Variants in CHST15 observed in about 807,000 individuals in gnomAD.
The protein encoded by CHST15 is carbohydrate sulfotransferase 15.
In CHST15, 30 loss-of-function variants were observed where a neutral mutation model predicts 53.6. That is an observed-to-expected ratio of 0.56 (90% CI 0.42 to 0.76). The LOEUF (loss-of-function observed/expected upper bound fraction) is 0.76. Ranked by LOEUF, CHST15 falls within the 30% of genes least tolerant of loss-of-function variation. CHST15 has a pLI of 0.00. For missense variants in CHST15, 627 were observed against 740.5 expected (o/e 0.85, Z 1.78); for synonymous variants, 296 against 289.8 (o/e 1.02, Z -0.22).
chr10:124,033,034 C>T (rs1947287166), intron 5 of CHST15, among the ~76,000 whole-genome samples: 1 of 152,174 alleles, frequency 6.6e-6, no homozygotes, highest in African/African-American at 2.4e-5. Flanking sequence ...CCAGCAACCC[C>T]CAAAATCTCC....
intron 5 of CHST15, among the ~76,000 whole-genome samples, chr10:124,030,536 T>C (rs1277975770): frequency 2.0e-5 from 3 of 152,216 alleles, no homozygotes; most frequent in Non-Finnish European, 2.9e-5. Flanking sequence ...CTGCAACCTC[T>C]ACATCCCCAC....
Position 124,010,777 on chromosome 10 carries a change from G to A in CHST15, c.1496-438C>T, listed in dbSNP as rs568255741. On this transcript the variant is annotated intron_variant, in intron 7 of 7. Transcript: ENST00000435907. ...TTCCGCCATCATCGTTTCTACTTCAGGCTGCTCATGCCAAGGTCCCTGGGC... is the reference window on the plus strand; with the variant it reads ...TTCCGCCATCATCGTTTCTACTTCAAGCTGCTCATGCCAAGGTCCCTGGGC... The A allele has an allele frequency of 4.1e-6, 4 of 985,442 alleles. No individual in the cohort carries two copies. The African/African-American group carries it at 7.0e-5, about 17-fold the overall frequency. The allele number at this position is 985,442 out of a possible 1,614,324, so 61.0% of individuals were successfully genotyped here. A position where few individuals can be genotyped will look rare whatever the true frequency, so the allele number is the denominator to read the frequency against.
intron 1 of CHST15, among the ~76,000 whole-genome samples, chr10:124,073,213 C>T (rs1948974397): frequency 6.6e-6 from 1 of 152,182 alleles, no homozygotes; most frequent in African/African-American, 2.4e-5. Context: ...ACAGTGTCTA[C>T]CCACAGTAGA....
chr10:124,064,646 T>C (rs1459218770), intron 1 of CHST15, among the ~76,000 whole-genome samples: 4 of 148,850 alleles, frequency 2.7e-5, no homozygotes, highest in Non-Finnish European at 6.0e-5. Flanking sequence ...CAGCACTGCA[T>C]CCCCCCAACC....
intron 1 of CHST15, among the ~76,000 whole-genome samples, chr10:124,087,829 T>A (rs886701141): frequency 6.6e-6 from 1 of 151,970 alleles, no homozygotes; most frequent in Admixed American, 6.5e-5. Flanking sequence ...CTCCTCTCTC[T>A]GGTTAATTGC....
At chr10:124,037,877 C>A (rs1947566717) in intron 5 of CHST15, among the ~76,000 whole-genome samples, 1 of 152,294 alleles carries the variant, frequency 6.6e-6, no homozygotes, top group Non-Finnish European at 1.5e-5. Flanking sequence ...CGTGGAGAAG[C>A]TTACACCCCT....
At position 124,046,483 on chromosome 10, in the gene CHST15, A is replaced by C; in HGVS notation, c.-271T>G. On this transcript the variant is annotated 5_prime_UTR_variant, in exon 2 of 8. Coordinates refer to ENST00000435907, the MANE Select transcript of CHST15 (RefSeq NM_001270764.2). The stretch of plus-strand genomic sequence containing the variant: ...CGCTGCAACCTCAGAGAAGGTCACA[A>C]GTTCGGGAGCAGCTCTGCCTGCCCT... 2.8e-6 allele frequency: 1 copy of C among 355,806 alleles called. No homozygotes were observed. Among genetic ancestry groups the C allele is most frequent in the Non-Finnish European group, 5.0e-6 (1 of 198,428 alleles). The allele number at this position is 355,806 out of a possible 1,614,324, so 22.0% of individuals were successfully genotyped here.
Position 124,019,909 on chromosome 10 carries a change from T to A in CHST15, c.1347+1347A>T, listed in dbSNP as rs1946713803. 1.0e-6 allele frequency: 1 copy of A among 985,904 alleles called. No homozygotes were observed. Among genetic ancestry groups the A allele is most frequent in the African/African-American group, 1.7e-5 (1 of 57,242 alleles). 61.1% of individuals were successfully genotyped at this position (985,904 alleles called of 1,614,324 possible). A position where few individuals can be genotyped will look rare whatever the true frequency, so the allele number is the denominator to read the frequency against. ...CTGCGTTCTGTATGGTAGGTGGTGCTGACCACTGGGCCTCTGCACACGCTG... is the reference window on the plus strand; with the variant it reads ...CTGCGTTCTGTATGGTAGGTGGTGCAGACCACTGGGCCTCTGCACACGCTG... On this transcript the variant is annotated intron_variant, in intron 6 of 7. Transcript: ENST00000435907. The surrounding 1 kb of genome is among the most constrained non-coding windows in gnomAD (Gnocchi z 4.6).
intron 1 of CHST15, among the ~76,000 whole-genome samples, chr10:124,050,457 G>C (rs1948151995): frequency 6.6e-6 from 1 of 152,208 alleles, no homozygotes. Context: ...CCGTCCTAGG[G>C]CTGGCCCATG....
Position 124,008,817 on chromosome 10 carries a change from C to T in CHST15, c.*1332G>A, listed in dbSNP as rs1258390551. ...AGTGCAAAGCTTCATCCAGGTCCCA[C>T]CTGGGCTGTTGCCAAGGATGCTCAA... On this transcript the variant is annotated 3_prime_UTR_variant, in exon 8 of 8. Transcript: ENST00000435907. The T allele has an allele frequency of 1.6e-6, 2 of 1,223,866 alleles. No homozygotes were observed. The highest frequency in any genetic ancestry group is 3.1e-5 in the African/African-American group (2 of 64,316). 75.8% of individuals were successfully genotyped at this position (1,223,866 alleles called of 1,614,324 possible). A position where few individuals can be genotyped will look rare whatever the true frequency, so the allele number is the denominator to read the frequency against.
In CHST15 at chr10:124,045,121, A is replaced by AAAAAC. The variant is rs1554911428; in HGVS notation, c.547-203_547-202insGTTTT. ...CTCCCCCGCCGCCCCACAAAAAAAA[A>AAAAAC]AAAAAAAAAAAAAAAAAAAAAAACT... On this transcript the variant is annotated intron_variant, in intron 2 of 7. Transcript: ENST00000435907. Among the ~76,000 whole-genome samples, 799 of 87,442 alleles carry AAAAAC rather than the reference A, an allele frequency of 9.1e-3. 11 individuals are homozygous for AAAAAC. Among genetic ancestry groups the AAAAAC allele is most frequent in the East Asian group, 0.032 (101 of 3,126 alleles). The allele number at this position is 87,442 out of a possible 152,430, so 57.4% of individuals were successfully genotyped here.
intron 1 of CHST15, among the ~76,000 whole-genome samples, chr10:124,086,831 C>A (rs906255920): frequency 6.6e-6 from 1 of 152,098 alleles, no homozygotes; most frequent in Non-Finnish European, 1.5e-5. Flanking sequence ...ATGGGGAAAC[C>A]GAGATGCAAG....
chr10:124,067,540 G>A (rs745385415), intron 1 of CHST15, among the ~76,000 whole-genome samples: 49 of 152,252 alleles, frequency 3.2e-4, no homozygotes, highest in Non-Finnish European at 6.2e-4. Context: ...TCTTCTGCAT[G>A]TTGGGCAATT....
chr10:124,044,438 T>C (rs1780602155), intron 3 of CHST15, 142 bp downstream of exon 3: 1 of 677,038 alleles, frequency 1.5e-6, no homozygotes, highest in Non-Finnish European at 2.3e-6. Flanking sequence ...GCTGGGTCTT[T>C]GCCTGGGAAC....
intron 1 of CHST15, among the ~76,000 whole-genome samples, chr10:124,073,427 G>A (rs1475749037): frequency 6.6e-6 from 1 of 152,206 alleles, no homozygotes; most frequent in Non-Finnish European, 1.5e-5. Context: ...GGTGGTTAAT[G>A]ACCAGAACAG....
intron 5 of CHST15, among the ~76,000 whole-genome samples, chr10:124,027,478 C>G (rs999366277): frequency 6.6e-6 from 1 of 152,228 alleles, no homozygotes; most frequent in African/African-American, 2.4e-5. Context: ...GGGACACTTA[C>G]AGCGTGCTGT....
At chr10:124,010,823 C>T (rs1051362840) in intron 7 of CHST15, 3 of 985,312 alleles carry the variant, frequency 3.0e-6, no homozygotes, top group Non-Finnish European at 3.6e-6. Context: ...TCACCCTGTG[C>T]GTCTTGCTGT....
At chr10:124,078,866 G>A (rs1348130153) in intron 1 of CHST15, among the ~76,000 whole-genome samples, 2 of 152,182 alleles carry the variant, frequency 1.3e-5, no homozygotes, top group East Asian at 3.8e-4. Context: ...TGCATAAGAT[G>A]TTCTCCCTGT....
intron 2 of CHST15, 64 bp from the exon 3 acceptor site, chr10:124,044,983 C>G (rs1016803473): frequency 8.7e-7 from 1 of 1,151,998 alleles, no homozygotes; most frequent in Non-Finnish European, 1.2e-6. Context: ...ACAATCTAAC[C>G]GCAATGGGAA....
Sources: gnomAD v4.1 joint callset for allele counts (sites outside exome capture counted in the v4.1 genomes callset) on GRCh38, gnomAD v4.1.1 for gene constraint, Gnocchi (gnomAD v3.1) non-coding constraint, MANE v1.5 for transcripts, NCBI Gene and HGNC (gene_info 2026-07-23, HGNC 2026-07-21) for gene names.